The following DIP2C variants were observed in gnomAD, a reference collection of about 807,000 sequenced individuals.
DIP2C encodes the protein DIP2 acetate--CoA ligase C (putative).
A neutral mutation model predicts 192.4 loss-of-function variants in DIP2C; 33 were observed. The ratio of observed to expected loss-of-function variants is 0.17; its 90% confidence interval spans 0.13 to 0.23. The LOEUF (loss-of-function observed/expected upper bound fraction) is 0.23, where lower values mean the gene tolerates loss of function less well. DIP2C is among the 10% of genes least tolerant of loss of function. DIP2C has a pLI of 1.00. For missense variants in DIP2C, 1,537 were observed against 2,110.1 expected (o/e 0.73, Z 5.32); for synonymous variants, 979 against 864.1 (o/e 1.13, Z -2.33).
chr10:433,906 T>G (rs1352833725), intron 4 of DIP2C, among the ~76,000 whole-genome samples: 1 of 152,188 alleles, frequency 6.6e-6, no homozygotes, highest in Non-Finnish European at 1.5e-5. Context: ...TCTTTTTTTT[T>G]CTTTCTTCTT....
At chr10:373,915 C>G (rs1202049690) in intron 17 of DIP2C, among the ~76,000 whole-genome samples, 1 of 152,206 alleles carries the variant, frequency 6.6e-6, no homozygotes, top group Admixed American at 6.5e-5. Flanking sequence ...TTCCAGAGCT[C>G]AGGGCCTTCG....
intron 8 of DIP2C, among the ~76,000 whole-genome samples, 155 bp downstream of exon 8, chr10:413,758 G>C (rs944040219): frequency 6.6e-6 from 1 of 152,126 alleles, no homozygotes; most frequent in Non-Finnish European, 1.5e-5. Context: ...AGCTTCGTGC[G>C]TTCGGGAGTG....
chr10:670,333 C>T lies in DIP2C; in HGVS notation c.85+19161G>A, dbSNP rs192974282. Among the ~76,000 whole-genome samples, 444 of 152,252 alleles carry T rather than the reference C, an allele frequency of 2.9e-3. 1 individual carries two copies. The highest frequency in any genetic ancestry group is 9.4e-3 in the African/African-American group (392 of 41,532). ...ATACATGCATATACACATGCACATGCGCACGCGTACATGCACATACATACA... is the reference window on the plus strand; with the variant it reads ...ATACATGCATATACACATGCACATGTGCACGCGTACATGCACATACATACA... On this transcript the variant is annotated intron_variant, in intron 1 of 36. Transcript: ENST00000280886.
intron 1 of DIP2C, among the ~76,000 whole-genome samples, chr10:617,076 G>A (rs375266476): frequency 9.2e-5 from 14 of 152,292 alleles, no homozygotes; most frequent in Admixed American, 7.2e-4. Context: ...AGCACACAAC[G>A]GGGTTCACAG....
intron 1 of DIP2C, among the ~76,000 whole-genome samples, chr10:516,219 T>C (rs371732111): frequency 1.4e-5 from 2 of 140,140 alleles, no homozygotes; most frequent in African/African-American, 5.4e-5. Context: ...GACAAGCAGA[T>C]GACAGCTTTT....
At chr10:379,579 G>A (rs972176949) in intron 17 of DIP2C, among the ~76,000 whole-genome samples, 1 of 152,202 alleles carries the variant, frequency 6.6e-6, no homozygotes, top group African/African-American at 2.4e-5. Context: ...TGGCTTTCTT[G>A]TGAGTGCCTC....
At chr10:309,966 G>A (rs1460859156) in intron 32 of DIP2C, 65 bp downstream of exon 32, 1 of 1,493,130 alleles carries the variant, frequency 6.7e-7, no homozygotes, top group Non-Finnish European at 9.3e-7. Flanking sequence ...ATGGAGACCT[G>A]CATGCAAGGC....
At chr10:377,341 C>T (rs748784578) in intron 17 of DIP2C, among the ~76,000 whole-genome samples, 17 of 152,224 alleles carry the variant, frequency 1.1e-4, no homozygotes, top group Non-Finnish European at 2.4e-4. Flanking sequence ...CTTCCCGCTG[C>T]ACCTCCTTTG....
intron 3 of DIP2C, among the ~76,000 whole-genome samples, chr10:449,620 G>A (rs1178271891): frequency 7.0e-6 from 1 of 142,632 alleles, no homozygotes; most frequent in Non-Finnish European, 1.5e-5. Context: ...ATCACACTCT[G>A]GGGACTGTGG....
rs558815214 is a variant in DIP2C, at chr10:469,998, G to A, written c.268+2441C>T. Among the ~76,000 whole-genome samples, 13 of 152,302 alleles carry A rather than the reference G, an allele frequency of 8.5e-5. No homozygotes were observed. The East Asian group carries it at 1.9e-3, about 23-fold the overall frequency. On this transcript the variant is annotated intron_variant, in intron 3 of 36. Transcript: ENST00000280886. The stretch of plus-strand genomic sequence containing the variant: ...ATTCTTATGGAAGAAAGTGAGAGGT[G>A]GGGAGGTGGATGGTGGAAGAATGGC...
intron 1 of DIP2C, among the ~76,000 whole-genome samples, chr10:648,976 G>A (rs1418795125): frequency 6.7e-6 from 1 of 149,806 alleles, no homozygotes; most frequent in Non-Finnish European, 1.5e-5. Flanking sequence ...TTTGATGGTG[G>A]GAGACAACAG....
chr10:417,697 T>TCA, intron 6 of DIP2C, among the ~76,000 whole-genome samples: 1 of 37,972 alleles, frequency 2.6e-5, no homozygotes, highest in East Asian at 8.8e-4. Context: ...TGTCCGCCTG[T>TCA]GCCTGTCGGC....
At chr10:607,323 A>AC (rs1464053194) in intron 1 of DIP2C, among the ~76,000 whole-genome samples, 7 of 149,724 alleles carry the variant, frequency 4.7e-5, no homozygotes, top group African/African-American at 1.5e-4. Flanking sequence ...GCAGCTGATA[A>AC]CCCACTGGGC....
chr10:434,798 ACTT>A (rs1201737500), intron 4 of DIP2C, among the ~76,000 whole-genome samples: 2 of 152,066 alleles, frequency 1.3e-5, no homozygotes, highest in Non-Finnish European at 2.9e-5. Context: ...ATTTCACTCT[ACTT>A]CTTGCTTTCG....
At chr10:296,222 T>C (rs1460087006) in intron 32 of DIP2C, among the ~76,000 whole-genome samples, 2 of 152,238 alleles carry the variant, frequency 1.3e-5, no homozygotes, top group African/African-American at 4.8e-5. Context: ...TGATATTGCC[T>C]AGGTTTCCTT....
At chr10:366,998 AGGCTTCAGAAG>A (rs1438942236) in intron 18 of DIP2C, among the ~76,000 whole-genome samples, 1 of 152,234 alleles carries the variant, frequency 6.6e-6, no homozygotes, top group African/African-American at 2.4e-5. Context: ...CAAGAGCCTC[AGGCTTCAGAAG>A]GGTGGAGTGT....
intron 11 of DIP2C, 124 bp downstream of exon 11, chr10:390,616 C>A: frequency 2.0e-6 from 3 of 1,477,852 alleles, no homozygotes; most frequent in Non-Finnish European, 1.8e-6. Flanking sequence ...CGTGAAAACT[C>A]GTGGGTCTGT....
chr10:531,298 A>T (rs1847355345), intron 1 of DIP2C, among the ~76,000 whole-genome samples: 1 of 152,038 alleles, frequency 6.6e-6, no homozygotes. Context: ...ACATTCCACG[A>T]ACCTGATGAA....
At chr10:367,306 C>G (rs555191967) in intron 18 of DIP2C, among the ~76,000 whole-genome samples, 2 of 151,814 alleles carry the variant, frequency 1.3e-5, no homozygotes, top group Non-Finnish European at 2.9e-5. Flanking sequence ...AGTCCCAGCT[C>G]CTCGGGAGGC....
Sources: allele counts gnomAD v4.1 joint callset (sites outside exome capture counted in the v4.1 genomes callset), GRCh38; gene constraint gnomAD v4.1.1; transcripts MANE v1.5; gene names NCBI Gene and HGNC (gene_info 2026-07-23, HGNC 2026-07-21).